The following SIN3A variants were observed in gnomAD, a reference collection of about 807,000 sequenced individuals.
SIN3A encodes the protein SIN3 transcription regulator family member A, also known as paired amphipathic helix protein Sin3a.
A neutral mutation model predicts 146.1 loss-of-function variants in SIN3A; 14 were observed. The observed-to-expected ratio is 0.10, with a 90% CI of 0.06 to 0.15. SIN3A has a LOEUF of 0.15. Among genes scored for constraint, SIN3A ranks in the 10% least tolerant of loss-of-function variants. The probability of loss-of-function intolerance (pLI) is 1.00; values close to 1 mark genes in which losing one functional copy is unlikely to be tolerated. For missense variants in SIN3A, 1,028 were observed against 1,576.0 expected, an observed-to-expected ratio of 0.65 and a Z score of 5.89; for synonymous variants, 572 against 572.0, an observed-to-expected ratio of 1.00 and a Z score of 0.00.
chr15:75,427,277 G>T (rs908763991), intron 2 of SIN3A, among the ~76,000 whole-genome samples: 1 of 152,112 alleles, frequency 6.6e-6, no homozygotes, highest in Non-Finnish European at 1.5e-5. Context: ...AGAGGCTGGG[G>T]CATGAGAATC....
intron 11 of SIN3A, 34 bp from the exon 12 acceptor site, chr15:75,400,190 C>T (rs1480694760): frequency 3.7e-5 from 45 of 1,211,180 alleles, no homozygotes; most frequent in Non-Finnish European, 5.2e-5. Flanking sequence ...GAAACAAAAG[C>T]CTAAAAAAGC....
chr15:75,419,504 A>C (rs2141528442), intron 3 of SIN3A: 1 of 152,254 alleles, frequency 6.6e-6, no homozygotes, highest in African/African-American at 2.4e-5. Context: ...AGTCACAGCA[A>C]ACCAAGCAAA....
upstream of SIN3A, among the ~76,000 whole-genome samples, chr15:75,454,678 C>T (rs1260815420): frequency 6.7e-6 from 1 of 149,222 alleles, no homozygotes; most frequent in South Asian, 2.1e-4. Flanking sequence ...GGCGCGCACA[C>T]GCCCGCGCCC....
At chr15:75,407,172 G>A (rs1419725781) in intron 8 of SIN3A, 28 bp from the exon 9 acceptor site, 3 of 1,450,548 alleles carry the variant, frequency 2.1e-6, no homozygotes, top group Non-Finnish European at 2.9e-6. Flanking sequence ...AAACATGTGA[G>A]ATTCAACGAG....
Position 75,392,787 on chromosome 15 carries a change from G to T in SIN3A, c.2306C>A (p.Ala769Asp). Reference sequence around the variant, plus strand: ...GAGGTGTGGGCCAACAGGTACACCAGCATTCTCCTCCGTAGCCTGCTCTTG... The same window carrying T: ...GAGGTGTGGGCCAACAGGTACACCATCATTCTCCTCCGTAGCCTGCTCTTG... ...ERQEQATEEN[A>D]GVPVGPHLSL... The change falls in exon 15 of 21, where the codon GCT becomes GAT. Residue 769 changes from alanine to aspartate, a missense_variant. This residue lies in a region of SIN3A where 488 missense variants were observed against 690.2 expected (regional missense o/e 0.71). Coordinates refer to ENST00000394947, the MANE Select transcript of SIN3A (RefSeq NM_001145358.2). The T allele has an allele frequency of 6.2e-7, 1 of 1,612,998 alleles. No individual in the cohort carries two copies.
chr15:75,396,790 C>T (rs1001821853), intron 12 of SIN3A, among the ~76,000 whole-genome samples: 5 of 152,112 alleles, frequency 3.3e-5, no homozygotes, highest in African/African-American at 4.8e-5. Context: ...CCACCACCGT[C>T]GCTGCTGCCG....
intron 12 of SIN3A, among the ~76,000 whole-genome samples, chr15:75,397,189 A>G (rs541538193): frequency 6.6e-5 from 10 of 152,310 alleles, no homozygotes; most frequent in African/African-American, 2.4e-4. Flanking sequence ...GAAACAGAAA[A>G]TGAAGTAAAT....
chr15:75,373,857 T>C (rs546280975), intron 20 of SIN3A, among the ~76,000 whole-genome samples: 3 of 152,250 alleles, frequency 2.0e-5, no homozygotes, highest in Non-Finnish European at 4.4e-5. Context: ...TAGTAGACTA[T>C]CAGTAGTTCC....
upstream of SIN3A, chr15:75,452,930 A>G (rs1461384245): frequency 6.6e-6 from 1 of 152,224 alleles, no homozygotes; most frequent in African/African-American, 2.4e-5. Context: ...CTGTGTAGGT[A>G]ACAGTGCCTC....
At chr15:75,425,491 T>TG (rs1174542891) in intron 2 of SIN3A, among the ~76,000 whole-genome samples, 7 of 152,218 alleles carry the variant, frequency 4.6e-5, no homozygotes, top group African/African-American at 1.4e-4. Flanking sequence ...TTGCTTATCT[T>TG]GATTTGCTAC....
At chr15:75,449,570 G>C (rs2074364518) in intron 1 of SIN3A, among the ~76,000 whole-genome samples, 2 of 152,158 alleles carry the variant, frequency 1.3e-5, no homozygotes, top group African/African-American at 2.4e-5. Context: ...CTCCAATACA[G>C]GCTGGAGGGC....
chr15:75,370,974 A>G lies in SIN3A; in HGVS notation c.*1005T>C, dbSNP rs2141353669. ...GCTTTATTTATTTACAAAAAAAAAA[A>G]AAAAAAAGTTGGGGGCAAAGGGGAA... is the stretch of plus-strand genomic sequence containing the variant. On this transcript the variant is annotated 3_prime_UTR_variant, in exon 21 of 21. Transcript: ENST00000394947. 6.6e-6 allele frequency: 1 copy of G among 152,594 alleles called. No homozygotes were observed. The highest frequency in any genetic ancestry group is 2.4e-5 in the African/African-American group (1 of 41,558). 9.5% of individuals were successfully genotyped at this position (152,594 alleles called of 1,614,324 possible).
intron 1 of SIN3A, among the ~76,000 whole-genome samples, chr15:75,438,002 G>A (rs2074135555): frequency 6.6e-6 from 1 of 152,006 alleles, no homozygotes; most frequent in Non-Finnish European, 1.5e-5. Flanking sequence ...CTGAGCGACA[G>A]AGGAAGATCC....
chr15:75,413,209 C>G (rs1478325828), intron 4 of SIN3A, among the ~76,000 whole-genome samples, 164 bp from the exon 5 acceptor site: 2 of 152,146 alleles, frequency 1.3e-5, no homozygotes, highest in Non-Finnish European at 2.9e-5. Flanking sequence ...CAACCTCCAC[C>G]TCCCGAGTTC....
intron 19 of SIN3A, chr15:75,376,466 T>A (rs1482256328): frequency 1.3e-5 from 2 of 154,520 alleles, no homozygotes; most frequent in African/African-American, 4.8e-5. Context: ...ATAATTCACA[T>A]GAATGGATGC....
Position 75,394,123 on chromosome 15 carries a change from A to G in SIN3A, c.2277+557T>C, listed in dbSNP as rs536923706. 7.2e-5 allele frequency among the ~76,000 whole-genome samples: 11 copies of G among 152,240 alleles called. No individual in the cohort carries two copies. The East Asian group carries it at 1.4e-3, about 19-fold the overall frequency. ...GTGCCCGGCCTGATTAAGTTCACAT[A>G]AGAGCTCATTTTACTATTTTTAAAG... On this transcript the variant is annotated intron_variant, in intron 14 of 20. Transcript: ENST00000394947.
intron 11 of SIN3A, 56 bp from the exon 12 acceptor site, chr15:75,400,212 T>C (rs1021733329): frequency 1.1e-6 from 1 of 938,578 alleles, no homozygotes. Flanking sequence ...TTCTGGTGAT[T>C]AAGCATTCTG....
chr15:75,381,479 T>TTTC, intron 18 of SIN3A, 134 bp downstream of exon 18: 1 of 662,342 alleles, frequency 1.5e-6, no homozygotes, highest in Non-Finnish European at 2.7e-6. Context: ...TGACTTGTAC[T>TTTC]TTAAGCATCC....
intron 1 of SIN3A, among the ~76,000 whole-genome samples, chr15:75,442,856 C>T (rs2074240784): frequency 6.8e-6 from 1 of 147,646 alleles, no homozygotes; most frequent in Non-Finnish European, 1.5e-5. Flanking sequence ...CCCTTGAACC[C>T]AGGAGGCGGA....
Sources: allele counts gnomAD v4.1 joint callset (sites outside exome capture counted in the v4.1 genomes callset), GRCh38; gene constraint gnomAD v4.1.1; regional missense constraint gnomAD v4.1.1; transcripts MANE v1.5; gene names NCBI Gene and HGNC (gene_info 2026-07-23, HGNC 2026-07-21).